The following HERC5 variants were observed in gnomAD, a reference collection of about 807,000 sequenced individuals.
HERC5 encodes the protein E3 ISG15--protein ligase HERC5.
In HERC5, 99 loss-of-function variants were observed where a neutral mutation model predicts 119.6. That is an observed-to-expected ratio of 0.83 (90% confidence interval 0.70 to 0.98). The LOEUF (loss-of-function observed/expected upper bound fraction) is 0.98, where lower values mean the gene tolerates loss of function less well. HERC5 is among the 50% of genes least tolerant of loss of function. The probability of loss-of-function intolerance (pLI) is 0.00; values close to 1 mark genes in which losing one functional copy is unlikely to be tolerated. For synonymous variants in HERC5, 478 were observed against 445.9 expected (o/e 1.07, Z -0.91); for missense variants, 1,267 against 1,241.3 (o/e 1.02, Z -0.31).
chr4:88,479,595 G>A (rs895794084), intron 13 of HERC5, 88 bp downstream of exon 13: 60 of 1,073,758 alleles, frequency 5.6e-5, no homozygotes, highest in Admixed American at 1.4e-4. Flanking sequence ...AAGTAGACTC[G>A]TGTGAGACAT....
intron 1 of HERC5, 22 bp from the exon 2 acceptor site, chr4:88,459,325 C>A: frequency 1.3e-6 from 2 of 1,534,194 alleles, no homozygotes; most frequent in South Asian, 1.3e-5. Flanking sequence ...GACAATAGTT[C>A]CTGGTTGGAT....
intron 16 of HERC5, among the ~76,000 whole-genome samples, chr4:88,492,026 C>CA (rs1319401965): frequency 2.6e-5 from 4 of 151,952 alleles, no homozygotes; most frequent in African/African-American, 9.7e-5. Flanking sequence ...ATTTTTGAGA[C>CA]AGAGTCTCAC....
intron 18 of HERC5, among the ~76,000 whole-genome samples, chr4:88,496,639 C>T (rs1270984507): frequency 6.6e-6 from 1 of 152,086 alleles, no homozygotes; most frequent in Non-Finnish European, 1.5e-5. Flanking sequence ...ATGATAATCA[C>T]CTCCATGTGG....
At position 88,472,517 on chromosome 4, in the gene HERC5, T is replaced by C. The variant is rs1228399296; in HGVS notation, c.1392+15T>C. On this transcript the variant is annotated intron_variant, in intron 11 of 22. Coordinates refer to ENST00000264350, the MANE Select transcript of HERC5 (RefSeq NM_016323.4). ...TTACTAACATGGTATCTTCAGATTG[T>C]TATGTGGAGAAAGAAAATACACCAG... The C allele has an allele frequency of 1.5e-6, 2 of 1,374,430 alleles. No homozygotes were observed. The highest frequency in any genetic ancestry group is 2.0e-6 in the Non-Finnish European group (2 of 977,500). 85.1% of individuals were successfully genotyped at this position (1,374,430 alleles called of 1,614,324 possible).
intron 9 of HERC5, among the ~76,000 whole-genome samples, chr4:88,469,958 T>G (rs1367829059): frequency 6.6e-6 from 1 of 152,184 alleles, no homozygotes; most frequent in African/African-American, 2.4e-5. Context: ...CCAGTCCCAT[T>G]TGATCCTGGA....
At chr4:88,463,399 C>G in intron 4 of HERC5, 133 bp from the exon 5 acceptor site, 2 of 608,612 alleles carry the variant, frequency 3.3e-6, no homozygotes, top group Non-Finnish European at 5.9e-6. Flanking sequence ...CTAAACATGG[C>G]AACATAGAGC....
intron 12 of HERC5, among the ~76,000 whole-genome samples, chr4:88,476,987 A>G (rs1222292996): frequency 6.6e-6 from 1 of 151,040 alleles, no homozygotes; most frequent in Non-Finnish European, 1.5e-5. Flanking sequence ...AATTAATCAT[A>G]ATTTTATAAT....
At chr4:88,482,275 A>C (rs1578056371) in intron 13 of HERC5, among the ~76,000 whole-genome samples, 4 of 150,324 alleles carry the variant, frequency 2.7e-5, no homozygotes. Flanking sequence ...GCGTCACTGC[A>C]CTCCAGCCTG....
chr4:88,467,197 C>G lies in HERC5; in HGVS notation c.1050C>G (p.Leu350=). The G allele has an allele frequency of 6.2e-7, 1 of 1,614,048 alleles. No homozygotes were observed. The part of the protein sequence containing the change: ...LPVKVSSSEE[L]KLESHTSEKE... Reference sequence around the variant, plus strand: ...TGAAAGTATCATCAAGTGAAGAACTCAAACTTGGTAAATTCTATAGGAACA... The same window carrying G: ...TGAAAGTATCATCAAGTGAAGAACTGAAACTTGGTAAATTCTATAGGAACA... Residue 350 remains leucine, a synonymous_variant, in exon 7 of 23, where the codon CTC becomes CTG. Coordinates refer to ENST00000264350, the MANE Select transcript of HERC5 (RefSeq NM_016323.4).
chr4:88,495,825 C>T (rs566645077), intron 18 of HERC5, among the ~76,000 whole-genome samples: 3 of 152,140 alleles, frequency 2.0e-5, no homozygotes, highest in South Asian at 2.1e-4. Context: ...CTGGAAACAT[C>T]GAAGATAACC....
At chr4:88,469,975 A>G (rs1383930953) in intron 9 of HERC5, among the ~76,000 whole-genome samples, 1 of 152,164 alleles carries the variant, frequency 6.6e-6, no homozygotes, top group Non-Finnish European at 1.5e-5. Flanking sequence ...TGGAACCATT[A>G]GTTTGTGTAC....
At chr4:88,499,416 C>A (rs1375816141) in intron 18 of HERC5, among the ~76,000 whole-genome samples, 1 of 152,186 alleles carries the variant, frequency 6.6e-6, no homozygotes, top group East Asian at 1.9e-4. Flanking sequence ...GATGTGACCT[C>A]TATTCTCACA....
intron 15 of HERC5, among the ~76,000 whole-genome samples, 198 bp from the exon 16 acceptor site, chr4:88,488,968 C>T (rs1443484579): frequency 6.6e-6 from 1 of 152,174 alleles, no homozygotes; most frequent in Non-Finnish European, 1.5e-5. Flanking sequence ...GGCTTTGATT[C>T]TTCAGGTCCC....
chr4:88,481,577 C>G (rs1454799405), intron 13 of HERC5, among the ~76,000 whole-genome samples: 1 of 152,016 alleles, frequency 6.6e-6, no homozygotes, highest in Non-Finnish European at 1.5e-5. Flanking sequence ...CTTTTTTTCT[C>G]CCATAAAGGT....
intron 10 of HERC5, among the ~76,000 whole-genome samples, chr4:88,471,636 G>A (rs962265114): frequency 6.6e-6 from 1 of 152,124 alleles, no homozygotes; most frequent in African/African-American, 2.4e-5. Context: ...ACCGCACCCA[G>A]CCGGTAACAT....
Position 88,457,351 on chromosome 4 carries a change from T to C in HERC5, c.82T>C (p.Ser28Pro). The C allele has an allele frequency of 7.0e-7, 1 of 1,424,032 alleles. No individual in the cohort carries two copies. The highest frequency in any genetic ancestry group is 9.2e-7 in the Non-Finnish European group (1 of 1,090,828). 88.2% of individuals were successfully genotyped at this position (1,424,032 alleles called of 1,614,324 possible). Residue 28 changes from serine (S) to proline (P), a missense_variant, in exon 1 of 23, where the codon TCT becomes CCT. Coordinates refer to ENST00000264350, the MANE Select transcript of HERC5 (RefSeq NM_016323.4). ...GGCCGCCGCGACCCAGCCCGCGAAG[T>C]CTCCGGGCGCACAGCTCTGGCTCTT... ...GKAAATQPAK[S>P]PGAQLWLFPS...
At chr4:88,500,773 G>A in intron 19 of HERC5, 142 bp from the exon 20 acceptor site, 1 of 657,858 alleles carries the variant, frequency 1.5e-6, no homozygotes, top group Non-Finnish European at 2.6e-6. Flanking sequence ...TTTTTTGTTT[G>A]TACATTCCTT....
At chr4:88,495,953 T>C (rs1326249652) in intron 18 of HERC5, among the ~76,000 whole-genome samples, 1 of 152,218 alleles carries the variant, frequency 6.6e-6, no homozygotes, top group Non-Finnish European at 1.5e-5. Flanking sequence ...TTAAAAATAT[T>C]GAGGACTCCA....
intron 18 of HERC5, among the ~76,000 whole-genome samples, chr4:88,497,637 G>A (rs2149107894): frequency 6.6e-6 from 1 of 152,326 alleles, no homozygotes. Flanking sequence ...ATTATTTAAA[G>A]TGGAATTTAT....
Sources: allele counts gnomAD v4.1 joint callset (sites outside exome capture counted in the v4.1 genomes callset), GRCh38; gene constraint gnomAD v4.1.1; transcripts MANE v1.5; gene names NCBI Gene and HGNC (gene_info 2026-07-23, HGNC 2026-07-21).